NEMP2: variants seen among roughly 807,000 people sequenced by gnomAD.
NEMP2 encodes UPF0571 transmembrane protein.
In NEMP2, 53 loss-of-function variants were observed where a neutral mutation model predicts 54.2. The ratio of observed to expected loss-of-function variants is 0.98; its 90% CI spans 0.78 to 1.23. The LOEUF is 1.23. Among genes scored for constraint, NEMP2 ranks in the 50% most tolerant of loss-of-function variants. NEMP2 has a pLI of 0.00. For synonymous variants in NEMP2, 197 were observed against 190.3 expected, an observed-to-expected ratio of 1.04 and a Z score of -0.29; for missense variants, 455 against 511.3, an observed-to-expected ratio of 0.89 and a Z score of 1.06.
the NEMP2 span, among the ~76,000 whole-genome samples, chr2:190,461,903 GAA>G: frequency 6.6e-6 from 1 of 152,056 alleles, no homozygotes; most frequent in Non-Finnish European, 1.5e-5. The surrounding 1 kb of genome is among the most constrained non-coding windows in gnomAD (Gnocchi z 5.5). Flanking sequence ...TCTGAGAGCA[GAA>G]GTCTTTTAAT....
chr2:190,588,085 G>A, the NEMP2 span, among the ~76,000 whole-genome samples: 1 of 152,256 alleles, frequency 6.6e-6, no homozygotes, highest in Admixed American at 6.5e-5. This position sits in a 1 kb window ranked among gnomAD's most constrained non-coding sequence, Gnocchi z 5.0. Context: ...CAAAAGTTGG[G>A]CTTTTTTATA....
At chr2:190,526,424 C>T (rs1236473456) in intron 1 of NEMP2, among the ~76,000 whole-genome samples, 1 of 152,152 alleles carries the variant, frequency 6.6e-6, no homozygotes, top group Non-Finnish European at 1.5e-5. Context: ...GGAATACCAG[C>T]TCAATAAGGA....
the NEMP2 span, chr2:190,436,886 C>T: frequency 6.2e-7 from 1 of 1,614,200 alleles, no homozygotes; most frequent in Non-Finnish European, 8.5e-7. The surrounding 1 kb of genome is among the most constrained non-coding windows in gnomAD (Gnocchi z 5.3). Context: ...GAAGTTGAAG[C>T]TATATTCTTG....
upstream of NEMP2, among the ~76,000 whole-genome samples, chr2:190,535,598 A>C (rs1343168800): frequency 6.6e-6 from 1 of 152,210 alleles, no homozygotes; most frequent in Non-Finnish European, 1.5e-5. Flanking sequence ...GAGAACCCAA[A>C]GTAACAGAAA....
the NEMP2 span, among the ~76,000 whole-genome samples, chr2:190,424,704 C>T: frequency 6.6e-6 from 1 of 152,046 alleles, no homozygotes; most frequent in African/African-American, 2.4e-5. The surrounding 1 kb of genome is among the most constrained non-coding windows in gnomAD (Gnocchi z 5.9). Flanking sequence ...ACCTTTCCAC[C>T]ATTGAATTTT....
the NEMP2 span, among the ~76,000 whole-genome samples, chr2:190,601,148 A>C: frequency 6.6e-6 from 1 of 152,182 alleles, no homozygotes. The surrounding 1 kb of genome is among the most constrained non-coding windows in gnomAD (Gnocchi z 5.8). Flanking sequence ...CTGTCATCCA[A>C]TATGACAGGT....
chr2:190,554,625 G>A, the NEMP2 span, among the ~76,000 whole-genome samples: 3 of 152,206 alleles, frequency 2.0e-5, no homozygotes, highest in Non-Finnish European at 4.4e-5. The surrounding 1 kb of genome is among the most constrained non-coding windows in gnomAD (Gnocchi z 5.7). Context: ...TCTCTGGGCA[G>A]GGCATCTCTG....
rs895383805 is a variant in NEMP2 at position 190,533,539 on chromosome 2, A to C, written c.97+1020T>G. ...GGAATCCAACACTTCCCCAACATAT[A>C]ACTCACTGCAAGATTCCCTCAGTTG... On this transcript the variant is annotated intron_variant, in intron 1 of 8. Coordinates refer to ENST00000409150, the MANE Select transcript of NEMP2 (RefSeq NM_001142645.2). The surrounding 1 kb of genome is among the most constrained non-coding windows in gnomAD (Gnocchi z 4.3). 6.6e-6 allele frequency among the ~76,000 whole-genome samples: 1 copy of C among 152,192 alleles called. No homozygotes were observed. Among genetic ancestry groups the C allele is most frequent in the African/African-American group, 2.4e-5 (1 of 41,446 alleles).
At chr2:190,440,309 A>G in the NEMP2 span, among the ~76,000 whole-genome samples, 1,346 of 152,340 alleles carry the variant, frequency 8.8e-3, 22 homozygotes, top group African/African-American at 0.03. Context: ...CTGTCAGTCT[A>G]AACACACACA....
intron 1 of NEMP2, among the ~76,000 whole-genome samples, chr2:190,526,169 C>T (rs897230414): frequency 3.5e-4 from 53 of 152,134 alleles, no homozygotes; most frequent in African/African-American, 1.3e-3. Flanking sequence ...TTACTGGAGT[C>T]ATTGGAACTG....
At position 190,520,291 on chromosome 2, in the gene NEMP2, T is replaced by C. The variant is rs935430843; in HGVS notation, c.214-1108A>G. Reference sequence around the variant, plus strand: ...TCTGTAATTCAGGCTTCTCTCACCATGCCTGCTAAAGGACCAGATCCCAAC... The same window carrying C: ...TCTGTAATTCAGGCTTCTCTCACCACGCCTGCTAAAGGACCAGATCCCAAC... On this transcript the variant is annotated intron_variant, in intron 2 of 8. Transcript: ENST00000409150. The surrounding 1 kb of genome is among the most constrained non-coding windows in gnomAD (Gnocchi z 5.4). 6.6e-6 allele frequency among the ~76,000 whole-genome samples: 1 copy of C among 152,218 alleles called. No homozygotes were observed. Among genetic ancestry groups the C allele is most frequent in the Non-Finnish European group, 1.5e-5 (1 of 68,040 alleles).
the NEMP2 span, among the ~76,000 whole-genome samples, chr2:190,445,752 T>G: frequency 6.6e-6 from 1 of 152,240 alleles, no homozygotes; most frequent in South Asian, 2.1e-4. Context: ...TTTAAAAAGT[T>G]AAGTGCTTCT....
rs768876453 is a variant in NEMP2, at chr2:190,505,221, G to A, written c.*3968C>T. ...AAAAAGATGGTAATAAATAAAGGAAGTAGAATATGAGCCCTGGAAGCAGAC... is the reference window on the plus strand; with the variant it reads ...AAAAAGATGGTAATAAATAAAGGAAATAGAATATGAGCCCTGGAAGCAGAC... On this transcript the variant is annotated 3_prime_UTR_variant, in exon 9 of 9. Transcript: ENST00000409150. The surrounding 1 kb of genome is among the most constrained non-coding windows in gnomAD (Gnocchi z 5.8). The A allele has an allele frequency of 6.6e-6, 1 of 152,196 alleles. No individual in the cohort carries two copies. Among genetic ancestry groups the A allele is most frequent in the South Asian group, 2.1e-4 (1 of 4,822 alleles). 9.4% of individuals were successfully genotyped at this position (152,196 alleles called of 1,614,324 possible). A position where few individuals can be genotyped will look rare whatever the true frequency, so the allele number is the denominator to read the frequency against.
At chr2:190,462,643 G>A in the NEMP2 span, among the ~76,000 whole-genome samples, 1 of 152,132 alleles carries the variant, frequency 6.6e-6, no homozygotes, top group African/African-American at 2.4e-5. The surrounding 1 kb of genome is among the most constrained non-coding windows in gnomAD (Gnocchi z 5.7). Context: ...TGTAGCAGAG[G>A]AACAGCGGGG....
the NEMP2 span, among the ~76,000 whole-genome samples, chr2:190,451,388 T>A: frequency 2.6e-5 from 4 of 152,232 alleles, no homozygotes; most frequent in African/African-American, 9.6e-5. This position sits in a 1 kb window ranked among gnomAD's most constrained non-coding sequence, Gnocchi z 5.0. Context: ...TGTTACTAAT[T>A]CATTCCTCCA....
the NEMP2 span, among the ~76,000 whole-genome samples, chr2:190,639,255 T>C: frequency 6.6e-6 from 1 of 152,042 alleles, no homozygotes; most frequent in Admixed American, 6.5e-5. Flanking sequence ...TTTGGTGTGG[T>C]GGGGTATCTA....
At chr2:190,480,771 A>G in the NEMP2 span, among the ~76,000 whole-genome samples, 120 of 152,352 alleles carry the variant, frequency 7.9e-4, no homozygotes, top group African/African-American at 2.7e-3. Context: ...AGAGGTTGAC[A>G]TGAGTATTAA....
the NEMP2 span, among the ~76,000 whole-genome samples, chr2:190,445,457 C>CAAA: frequency 7.3e-3 from 1,051 of 143,752 alleles, 10 homozygotes; most frequent in African/African-American, 0.015. Flanking sequence ...GCCCCAATCA[C>CAAA]AAAAAAAAAA....
the NEMP2 span, among the ~76,000 whole-genome samples, chr2:190,428,456 A>G: frequency 6.6e-6 from 1 of 152,142 alleles, no homozygotes. Context: ...ATCCTCATCA[A>G]CATTTGATAT....
Sources: gnomAD v4.1 joint callset for allele counts (sites outside exome capture counted in the v4.1 genomes callset) on GRCh38, gnomAD v4.1.1 for gene constraint, Gnocchi (gnomAD v3.1) non-coding constraint, MANE v1.5 for transcripts, NCBI Gene and HGNC (gene_info 2026-07-23, HGNC 2026-07-21) for gene names.